The following DLGAP1 variants were observed in gnomAD, a reference collection of about 807,000 sequenced individuals.
The protein encoded by DLGAP1 is disks large-associated protein 1.
In DLGAP1, 11 loss-of-function variants were observed where a neutral mutation model predicts 90.8. That is an observed-to-expected ratio of 0.12 (90% CI 0.08 to 0.20). The LOEUF is 0.20. Among genes scored for constraint, DLGAP1 ranks in the 10% least tolerant of loss-of-function variants. The pLI is 1.00. For missense variants in DLGAP1, 1,050 were observed against 1,333.8 expected (o/e 0.79, Z 3.31); for synonymous variants, 558 against 540.7 (o/e 1.03, Z -0.44).
In DLGAP1 at chr18:4,084,814, C is replaced by T. The variant is rs772224706; in HGVS notation, c.-159+66366G>A. Among the ~76,000 whole-genome samples, 1 of 152,170 alleles carries T rather than the reference C, an allele frequency of 6.6e-6. No homozygotes were observed. Among genetic ancestry groups the T allele is most frequent in the Non-Finnish European group, 1.5e-5 (1 of 68,036 alleles). ...GCATGCTTTTCTCCTATCAATCTGT[C>T]TTTGTCAGTTTGATTTTTAGACCCA... On this transcript the variant is annotated intron_variant, in intron 2 of 12. Coordinates refer to ENST00000315677, the MANE Select transcript of DLGAP1 (RefSeq NM_004746.4). This position sits in a 1 kb window ranked among gnomAD's most constrained non-coding sequence, Gnocchi z 4.0.
intron 3 of DLGAP1, among the ~76,000 whole-genome samples, chr18:3,973,974 C>G (rs911222190): frequency 6.6e-6 from 1 of 152,206 alleles, no homozygotes; most frequent in Non-Finnish European, 1.5e-5. Context: ...CAGATCTGCA[C>G]AGCACGTGAC....
chr18:3,753,364 T>G (rs191609660), intron 5 of DLGAP1, among the ~76,000 whole-genome samples: 2 of 152,180 alleles, frequency 1.3e-5, no homozygotes, highest in Admixed American at 6.5e-5. Flanking sequence ...CCATCTCCAG[T>G]GAACAGTTAA....
intron 8 of DLGAP1, among the ~76,000 whole-genome samples, chr18:3,581,524 G>C (rs2055509498): frequency 6.6e-6 from 1 of 151,776 alleles, no homozygotes; most frequent in Admixed American, 6.6e-5. Flanking sequence ...AGGTGGGGTT[G>C]GGGCACACAG....
At chr18:4,190,168 A>G (rs942949444) in intron 1 of DLGAP1, among the ~76,000 whole-genome samples, 4 of 152,174 alleles carry the variant, frequency 2.6e-5, no homozygotes, top group Non-Finnish European at 4.4e-5. Context: ...ATGCAAGGAG[A>G]TATTATTCAG....
At chr18:3,923,285 TC>T (rs1208477143) in intron 3 of DLGAP1, among the ~76,000 whole-genome samples, 4 of 152,082 alleles carry the variant, frequency 2.6e-5, no homozygotes, top group African/African-American at 9.7e-5. Flanking sequence ...TTGGATGAAA[TC>T]AGTATCTTAT....
intron 7 of DLGAP1, among the ~76,000 whole-genome samples, chr18:3,687,383 T>C (rs1453750137): frequency 6.6e-6 from 1 of 152,182 alleles, no homozygotes; most frequent in Non-Finnish European, 1.5e-5. Flanking sequence ...AATGGACAGA[T>C]GGTGTAAAAG....
intron 1 of DLGAP1, among the ~76,000 whole-genome samples, chr18:4,282,959 CT>C (rs2079589177): frequency 6.6e-6 from 1 of 152,188 alleles, no homozygotes; most frequent in Non-Finnish European, 1.5e-5. Context: ...AGTAATCAGT[CT>C]GTTCAAAGTG....
At chr18:4,353,696 T>C (rs1186127918) in intron 1 of DLGAP1, among the ~76,000 whole-genome samples, 2 of 150,882 alleles carry the variant, frequency 1.3e-5, no homozygotes, top group Non-Finnish European at 3.0e-5. Flanking sequence ...ATATGATATA[T>C]AACATACACA....
intron 1 of DLGAP1, among the ~76,000 whole-genome samples, chr18:4,217,828 T>C (rs948316210): frequency 6.6e-6 from 1 of 152,126 alleles, no homozygotes; most frequent in Non-Finnish European, 1.5e-5. Context: ...TTATCTTTAT[T>C]GTGTCTTTTG....
intron 10 of DLGAP1, among the ~76,000 whole-genome samples, chr18:3,510,530 G>T (rs998646414): frequency 2.0e-5 from 3 of 152,210 alleles, no homozygotes; most frequent in East Asian, 3.8e-4. Context: ...CCAGCTCCAA[G>T]AAGGTATATG....
At chr18:3,671,292 T>C (rs2060081199) in intron 7 of DLGAP1, among the ~76,000 whole-genome samples, 1 of 151,972 alleles carries the variant, frequency 6.6e-6, no homozygotes, top group Non-Finnish European at 1.5e-5. Context: ...ATAACACCCC[T>C]ATCTCTCTCT....
chr18:4,271,385 G>C (rs551920), intron 1 of DLGAP1, among the ~76,000 whole-genome samples: 32,272 of 152,078 alleles, frequency 0.21, 6,837 homozygotes, highest in African/African-American at 0.55. Context: ...TATGAAGTGA[G>C]AGCAAGTAAG....
intron 8 of DLGAP1, chr18:3,580,164 C>G: frequency 7.4e-7 from 1 of 1,346,352 alleles, no homozygotes; most frequent in South Asian, 1.2e-5. Flanking sequence ...AAAGAAAATA[C>G]TTTCAGAAAC....
At chr18:3,699,228 G>T (rs2061196579) in intron 7 of DLGAP1, among the ~76,000 whole-genome samples, 1 of 152,028 alleles carries the variant, frequency 6.6e-6, no homozygotes, top group African/African-American at 2.4e-5. Flanking sequence ...GAGGCATTCT[G>T]GTTTTCGGAA....
chr18:4,329,229 T>A (rs1436025850), intron 1 of DLGAP1, among the ~76,000 whole-genome samples: 1 of 152,030 alleles, frequency 6.6e-6, no homozygotes, highest in Non-Finnish European at 1.5e-5. Context: ...TCCACAAGGA[T>A]TTCCAATTGT....
intron 4 of DLGAP1, among the ~76,000 whole-genome samples, chr18:3,852,838 ATAAT>A (rs1458403345): frequency 4.6e-5 from 7 of 152,052 alleles, no homozygotes; most frequent in Non-Finnish European, 8.8e-5. Flanking sequence ...TTGTTAATAA[ATAAT>A]TGTCATCTGG....
chr18:3,519,421 TCC>T (rs1345976097), intron 10 of DLGAP1, among the ~76,000 whole-genome samples: 11 of 152,124 alleles, frequency 7.2e-5, no homozygotes, highest in African/African-American at 1.4e-4. Flanking sequence ...TTTGGTTACC[TCC>T]CTCTCTAACT....
intron 2 of DLGAP1, among the ~76,000 whole-genome samples, chr18:4,042,703 G>T (rs144678879): frequency 6.6e-6 from 1 of 152,164 alleles, no homozygotes; most frequent in Non-Finnish European, 1.5e-5. Context: ...TCATGCCACC[G>T]CATTCCAGCC....
At chr18:4,104,794 C>T (rs2075833085) in intron 2 of DLGAP1, among the ~76,000 whole-genome samples, 1 of 152,094 alleles carries the variant, frequency 6.6e-6, no homozygotes, top group South Asian at 2.1e-4. Flanking sequence ...GTGACTCAAC[C>T]AATGTTCTTC....
Sources: gnomAD v4.1 joint callset for allele counts (sites outside exome capture counted in the v4.1 genomes callset) on GRCh38, gnomAD v4.1.1 for gene constraint, Gnocchi (gnomAD v3.1) non-coding constraint, MANE v1.5 for transcripts, NCBI Gene and HGNC (gene_info 2026-07-23, HGNC 2026-07-21) for gene names.